ITPRID2: variants seen among roughly 807,000 people sequenced by gnomAD.
ITPRID2 encodes the protein ITPR interacting domain containing 2, also known as protein ITPRID2.
A neutral mutation model predicts 124.3 loss-of-function variants in ITPRID2; 60 were observed. The ratio of observed to expected loss-of-function variants is 0.48; its 90% CI spans 0.39 to 0.60. The LOEUF (loss-of-function observed/expected upper bound fraction) is 0.60. ITPRID2 is among the 20% of genes least tolerant of loss of function. The pLI is 0.00. For synonymous variants in ITPRID2, 521 were observed against 542.9 expected (o/e 0.96, Z 0.56); for missense variants, 1,553 against 1,512.2 (o/e 1.03, Z -0.45).
At chr2:181,909,245 GA>G (rs1472844152) in intron 8 of ITPRID2, among the ~76,000 whole-genome samples, 3 of 152,136 alleles carry the variant, frequency 2.0e-5, no homozygotes, top group South Asian at 2.1e-4. Flanking sequence ...GTTATGTCTT[GA>G]AAGAATTTCA....
chr2:181,909,937 C>T lies in ITPRID2; in HGVS notation c.1452C>T (p.Ala484=). The change falls in exon 9 of 18, where the codon GCC becomes GCT. Residue 484 remains alanine, a synonymous_variant. Coordinates refer to ENST00000431877, the MANE Select transcript of ITPRID2 (RefSeq NM_001130445.3). ...STEGEAPHVP[A]TYQLGLTKSK... ...AGGGAGAAGCTCCTCATGTTCCAGC[C>T]ACTTACCAGCTAGGTCTTACGAAGT... 3.1e-6 allele frequency: 5 copies of T among 1,613,278 alleles called. No homozygotes were observed. The highest frequency in any genetic ancestry group is 4.2e-6 in the Non-Finnish European group (5 of 1,179,408).
intron 16 of ITPRID2, among the ~76,000 whole-genome samples, chr2:181,926,975 C>T (rs2125117094): frequency 6.6e-6 from 1 of 152,246 alleles, no homozygotes; most frequent in Middle Eastern, 3.4e-3. Flanking sequence ...GTGCTGTGTG[C>T]TTCAGAATCT....
At position 181,892,576 on chromosome 2, in the gene ITPRID2, C is replaced by T. The variant is rs768689284; in HGVS notation, c.212-39C>T. 2 of 1,613,760 alleles carry T rather than the reference C, an allele frequency of 1.2e-6. No individual in the cohort carries two copies. Among genetic ancestry groups the T allele is most frequent in the Non-Finnish European group, 8.5e-7 (1 of 1,179,666 alleles). On this transcript the variant is annotated intron_variant, in intron 1 of 17. Coordinates refer to ENST00000431877, the MANE Select transcript of ITPRID2 (RefSeq NM_001130445.3). This position sits in a 1 kb window ranked among gnomAD's most constrained non-coding sequence, Gnocchi z 5.2. The stretch of plus-strand genomic sequence containing the variant: ...AGGGTGACTCCGCCGTCGTAGTGCT[C>T]CTGGGTGGTAACGTGCTGTCCCCTC...
At chr2:181,894,188 G>A (rs1266742705) in intron 2 of ITPRID2, 1 of 152,188 alleles carries the variant, frequency 6.6e-6, no homozygotes, top group Non-Finnish European at 1.5e-5. Flanking sequence ...ATAGTTTAAT[G>A]ACATATAGGA....
intron 8 of ITPRID2, among the ~76,000 whole-genome samples, chr2:181,903,079 A>C (rs2125073522): frequency 6.6e-6 from 1 of 152,360 alleles, no homozygotes; most frequent in East Asian, 1.9e-4. Context: ...TGTGTCCAGT[A>C]ATATACCTGA....
At chr2:181,897,096 A>G in intron 4 of ITPRID2, 132 bp downstream of exon 4, 1 of 741,080 alleles carries the variant, frequency 1.3e-6, no homozygotes, top group Non-Finnish European at 2.4e-6. Flanking sequence ...GGCATATTTT[A>G]CATTACCTTT....
intron 4 of ITPRID2, 61 bp from the exon 5 acceptor site, chr2:181,898,819 T>C (rs1692423348): frequency 1.8e-6 from 2 of 1,129,180 alleles, no homozygotes; most frequent in African/African-American, 1.6e-5. Context: ...TTGATAATTG[T>C]ATCATAGTAG....
rs1015260329 is a variant in ITPRID2, at chr2:181,930,628, G to A, written c.*1081G>A. Reference sequence around the variant, plus strand: ...ATCAAAAGTGGTTGAGTTGTTAACAGTGTTCTTTGAAAGAATCTCTAAAAG... The same window carrying A: ...ATCAAAAGTGGTTGAGTTGTTAACAATGTTCTTTGAAAGAATCTCTAAAAG... On this transcript the variant is annotated 3_prime_UTR_variant, in exon 18 of 18. Coordinates refer to ENST00000431877, the MANE Select transcript of ITPRID2 (RefSeq NM_001130445.3). The A allele has an allele frequency of 1.3e-5, 2 of 152,492 alleles. No individual in the cohort carries two copies. The highest frequency in any genetic ancestry group is 2.9e-5 in the Non-Finnish European group (2 of 67,986). 9.4% of individuals were successfully genotyped at this position (152,492 alleles called of 1,614,324 possible). A position where few individuals can be genotyped will look rare whatever the true frequency, so the allele number is the denominator to read the frequency against.
In ITPRID2 at chr2:181,892,347, C is replaced by T; in HGVS notation, c.211+70C>T. 2 of 1,459,162 alleles carry T rather than the reference C, an allele frequency of 1.4e-6. No homozygotes were observed. The highest frequency in any genetic ancestry group is 2.7e-5 in the South Asian group (2 of 73,662). The allele number at this position is 1,459,162 out of a possible 1,614,324, so 90.4% of individuals were successfully genotyped here. ...GGAGAGTCTCGTGCGCCCTGGGCGC[C>T]TGCCACGAGTTCTGGGAGAGCCTCG... On this transcript the variant is annotated intron_variant, in intron 1 of 17. Transcript: ENST00000431877. This position sits in a 1 kb window ranked among gnomAD's most constrained non-coding sequence, Gnocchi z 5.2.
At position 181,913,865 on chromosome 2, in the gene ITPRID2, A is replaced by G; in HGVS notation, c.1507A>G (p.Ser503Gly). The change falls in exon 10 of 18, where the codon AGT becomes GGT. Residue 503 changes from serine to glycine, a missense_variant. Transcript: ENST00000431877. ...SKRDHLLRTA[S>G]QHSDSSGFAE... ...CATAGATCATCTGTTACGTACTGCAAGTCAGCATTCCGATAGCAGTGGTTT... is the reference window on the plus strand; with the variant it reads ...CATAGATCATCTGTTACGTACTGCAGGTCAGCATTCCGATAGCAGTGGTTT... The G allele has an allele frequency of 6.2e-7, 1 of 1,613,300 alleles. No homozygotes were observed. The highest frequency in any genetic ancestry group is 8.5e-7 in the Non-Finnish European group (1 of 1,179,698).
At position 181,892,816 on chromosome 2, in the gene ITPRID2, T is replaced by G; in HGVS notation, c.257+156T>G. 1 of 803,058 alleles carries G rather than the reference T, an allele frequency of 1.2e-6. No homozygotes were observed. Among genetic ancestry groups the G allele is most frequent in the Non-Finnish European group, 2.0e-6 (1 of 497,240 alleles). 49.7% of individuals were successfully genotyped at this position (803,058 alleles called of 1,614,324 possible). ...CGGATAGCTTCCTCCTCTAAGCGAT[T>G]AGAAATGGAAGTGCTGTGACCGCTG... On this transcript the variant is annotated intron_variant, in intron 2 of 17. Coordinates refer to ENST00000431877, the MANE Select transcript of ITPRID2 (RefSeq NM_001130445.3). The surrounding 1 kb of genome is among the most constrained non-coding windows in gnomAD (Gnocchi z 5.2).
rs1692747409 is a variant in ITPRID2 at position 181,902,441 on chromosome 2, A to G, written c.1388A>G (p.Gln463Arg). The change falls in exon 8 of 18, where the codon CAG (glutamine) becomes CGG (arginine). Residue 463 changes from glutamine to arginine, a missense_variant. By Grantham distance (43) the Gln-to-Arg change is conservative (BLOSUM62 1). Coordinates refer to ENST00000431877, the MANE Select transcript of ITPRID2 (RefSeq NM_001130445.3). This position sits in a 1 kb window ranked among gnomAD's most constrained non-coding sequence, Gnocchi z 4.4. ...IPSIRNIMTQ[Q>R]KDSFEMEEVQ... ...TCCATAAGAAATATAATGACACAGC[A>G]GAAGGACTCCTTCGAAATGGAAGAG... The G allele has an allele frequency of 1.3e-6, 2 of 1,577,236 alleles. No homozygotes were observed. Among genetic ancestry groups the G allele is most frequent in the East Asian group, 2.3e-5 (1 of 44,136 alleles).
intron 7 of ITPRID2, 23 bp downstream of exon 7, chr2:181,900,927 A>T (rs753229083): frequency 6.4e-7 from 1 of 1,553,088 alleles, no homozygotes; most frequent in Non-Finnish European, 8.7e-7. Context: ...AGTGTTAGGC[A>T]TATTATTTTC....
rs779806332 is a variant in ITPRID2, at chr2:181,919,094, C to T, written c.2994-202C>T. Among the ~76,000 whole-genome samples, 6 of 152,070 alleles carry T rather than the reference C, an allele frequency of 3.9e-5. No homozygotes were observed. Among genetic ancestry groups the T allele is most frequent in the East Asian group, 1.9e-4 (1 of 5,192 alleles). ...TAAGGGTAGTGGTAACCTGCTTTCC[C>T]GTGTTTGAGATATTTGTGAGAGGAT... On this transcript the variant is annotated intron_variant, in intron 13 of 17. Transcript: ENST00000431877. The surrounding 1 kb of genome is among the most constrained non-coding windows in gnomAD (Gnocchi z 4.2).
At chr2:181,895,252 A>G (rs1387213387) in intron 2 of ITPRID2, among the ~76,000 whole-genome samples, 1 of 152,076 alleles carries the variant, frequency 6.6e-6, no homozygotes, top group Admixed American at 6.5e-5. Context: ...AATATAAAAC[A>G]ATGTGTTTCT....
rs1250977257 is a variant in ITPRID2, at chr2:181,896,994, G to T, written c.364+30G>T. On this transcript the variant is annotated intron_variant, in intron 4 of 17. Coordinates refer to ENST00000431877, the MANE Select transcript of ITPRID2 (RefSeq NM_001130445.3). The surrounding 1 kb of genome is among the most constrained non-coding windows in gnomAD (Gnocchi z 4.3). ...GTTTGTTTGGAAGAACTGTATTTTT[G>T]TGTAGTTTTCAAATTTAAAAAAAAT... 1.1e-5 allele frequency: 18 copies of T among 1,593,014 alleles called. No homozygotes were observed. Among genetic ancestry groups the T allele is most frequent in the Non-Finnish European group, 1.5e-5 (18 of 1,162,842 alleles).
intron 6 of ITPRID2, among the ~76,000 whole-genome samples, chr2:181,899,689 C>T (rs947061210): frequency 2.0e-5 from 3 of 152,052 alleles, no homozygotes; most frequent in African/African-American, 7.2e-5. Context: ...ACAAAAAATG[C>T]AAAAATTAGC....
At chr2:181,897,897 A>G (rs1692338129) in intron 4 of ITPRID2, among the ~76,000 whole-genome samples, 1 of 151,950 alleles carries the variant, frequency 6.6e-6, no homozygotes, top group African/African-American at 2.4e-5. Context: ...CTGTTCATAT[A>G]TTTTCAAGCT....
At position 181,892,687 on chromosome 2, in the gene ITPRID2, C is replaced by G. The variant is rs1260971419; in HGVS notation, c.257+27C>G. Reference sequence around the variant, plus strand: ...TGAGTGCTCCCTGGTCCGCCCGCGTCCCGGGGGAGATCCGTGCGGACGGGA... The same window carrying G: ...TGAGTGCTCCCTGGTCCGCCCGCGTGCCGGGGGAGATCCGTGCGGACGGGA... On this transcript the variant is annotated intron_variant, in intron 2 of 17. Transcript: ENST00000431877. The surrounding 1 kb of genome is among the most constrained non-coding windows in gnomAD (Gnocchi z 5.2). 6.2e-7 allele frequency: 1 copy of G among 1,613,800 alleles called. No individual in the cohort carries two copies. The highest frequency in any genetic ancestry group is 8.5e-7 in the Non-Finnish European group (1 of 1,179,884).
Sources: gnomAD v4.1 joint callset for allele counts (sites outside exome capture counted in the v4.1 genomes callset) on GRCh38, gnomAD v4.1.1 for gene constraint, Gnocchi (gnomAD v3.1) non-coding constraint, MANE v1.5 for transcripts, NCBI Gene and HGNC (gene_info 2026-07-23, HGNC 2026-07-21) for gene names.